The following DHX32 variants were observed in gnomAD, a reference collection of about 807,000 sequenced individuals.
The protein encoded by DHX32 is DEAH-box helicase 32 (putative).
In DHX32, 51 loss-of-function variants were observed where a neutral mutation model predicts 70.0. That is an observed-to-expected ratio of 0.73 (90% confidence interval 0.58 to 0.92). The LOEUF is 0.92. Among genes scored for constraint, DHX32 ranks in the 40% least tolerant of loss-of-function variants. The pLI is 0.00. For missense variants in DHX32, 762 were observed against 891.8 expected (o/e 0.85, Z 1.85); for synonymous variants, 310 against 315.3 (o/e 0.98, Z 0.18).
chr10:125,884,998 A>T (rs1944334646), upstream of DHX32, among the ~76,000 whole-genome samples: 1 of 151,996 alleles, frequency 6.6e-6, no homozygotes, highest in Admixed American at 6.6e-5. Context: ...GTATGGGTGT[A>T]TCTGTCCTTA....
chr10:125,869,896 A>G (rs988940325), intron 1 of DHX32, among the ~76,000 whole-genome samples: 1 of 152,152 alleles, frequency 6.6e-6, no homozygotes, highest in African/African-American at 2.4e-5. Flanking sequence ...AGAGAGAGAA[A>G]GGCTTGGGCT....
At chr10:125,883,455 A>G (rs1171039289), upstream of DHX32, among the ~76,000 whole-genome samples, 1 of 152,156 alleles carries the variant, frequency 6.6e-6, no homozygotes, top group Non-Finnish European at 1.5e-5. Flanking sequence ...CTGTCATTCT[A>G]TGAGGTACCC....
chr10:125,854,094 T>A lies in DHX32; in HGVS notation c.959A>T (p.Lys320Met). The change falls in exon 4 of 11, where the codon AAG becomes ATG. Residue 320 changes from lysine to methionine, a missense_variant. Physicochemically the swap from Lys to Met is moderately conservative, Grantham distance 95. This residue lies in a region of DHX32 where 394 missense variants were observed against 473.1 expected (regional missense o/e 0.83). Coordinates refer to ENST00000284690, the MANE Select transcript of DHX32 (RefSeq NM_018180.3). ...LYPKEKCSLF[K>M]PLDETEKRCQ... ...TCTTTTTTCTGTTTCATCGAGTGGC[T>A]TGAACAATGAACATTTCTCTTTTGG... The A allele has an allele frequency of 6.2e-7, 1 of 1,614,044 alleles. No individual in the cohort carries two copies. The highest frequency in any genetic ancestry group is 8.5e-7 in the Non-Finnish European group (1 of 1,179,990).
chr10:125,867,268 A>G (rs1944226221), intron 1 of DHX32, 85 bp from the exon 2 acceptor site: 1 of 1,203,756 alleles, frequency 8.3e-7, no homozygotes, highest in Admixed American at 2.7e-5. Context: ...GGTTCATCTT[A>G]TAAGTGATTT....
At position 125,836,503 on chromosome 10, in the gene DHX32, A is replaced by G. The variant is rs7320; in HGVS notation, c.*184T>C. The stretch of plus-strand genomic sequence containing the variant: ...TCCAAGAAGAAGAAAAGCATGGAGT[A>G]GTAATTTAAAGAACTCAATAAAAAC... On this transcript the variant is annotated 3_prime_UTR_variant, in exon 11 of 11. Coordinates refer to ENST00000284690, the MANE Select transcript of DHX32 (RefSeq NM_018180.3). 27 of 1,356,970 alleles carry G rather than the reference A, an allele frequency of 2.0e-5. No individual in the cohort carries two copies. Among genetic ancestry groups the G allele is most frequent in the Non-Finnish European group, 2.4e-5 (25 of 1,042,732 alleles). 84.1% of individuals were successfully genotyped at this position (1,356,970 alleles called of 1,614,324 possible).
upstream of DHX32, among the ~76,000 whole-genome samples, chr10:125,884,143 T>C (rs539443217): frequency 2.6e-5 from 4 of 152,344 alleles, no homozygotes; most frequent in African/African-American, 9.6e-5. Context: ...TGGTTTGGAT[T>C]CCAAATTTGG....
At chr10:125,838,450 T>C (rs761030661) in intron 9 of DHX32, 63 bp from the exon 10 acceptor site, 1 of 1,410,000 alleles carries the variant, frequency 7.1e-7, no homozygotes, top group Non-Finnish European at 9.4e-7. Flanking sequence ...TATACAAAGA[T>C]GTTTGTTGAA....
intron 2 of DHX32, among the ~76,000 whole-genome samples, chr10:125,860,365 A>G (rs1487712630): frequency 1.3e-5 from 2 of 152,238 alleles, no homozygotes; most frequent in Admixed American, 1.3e-4. Context: ...TCAATGAAAG[A>G]ATTTTGAGTA....
intron 2 of DHX32, among the ~76,000 whole-genome samples, chr10:125,863,311 T>C (rs1944200889): frequency 6.6e-6 from 1 of 152,104 alleles, no homozygotes; most frequent in African/African-American, 2.4e-5. Flanking sequence ...TTGTTACATA[T>C]AGCATCCAAA....
chr10:125,836,696 A>C lies in DHX32; in HGVS notation c.2223T>G (p.Thr741=). 3.1e-6 allele frequency: 5 copies of C among 1,613,832 alleles called. No individual in the cohort carries two copies. The highest frequency in any genetic ancestry group is 4.2e-6 in the Non-Finnish European group (5 of 1,179,866). ...ETCPETEQRC[T]LQ is the part of the protein sequence containing the mutation. ...TGTGTTTGCTGGGGAGTCACTGGAG[A>C]GTGCATCTCTGTTCAGTTTCAGGGC... is the stretch of plus-strand genomic sequence containing the variant. The change falls in exon 11 of 11, where the codon ACT becomes ACG. Residue 741 remains threonine (T), a synonymous_variant. Coordinates refer to ENST00000284690, the MANE Select transcript of DHX32 (RefSeq NM_018180.3).
upstream of DHX32, among the ~76,000 whole-genome samples, chr10:125,883,583 T>G (rs1015727227): frequency 7.2e-5 from 11 of 152,070 alleles, no homozygotes; most frequent in African/African-American, 2.7e-4. Flanking sequence ...TCCAGATGAC[T>G]GCAACCCCAG....
chr10:125,872,940 C>G (rs1944263882), intron 1 of DHX32, among the ~76,000 whole-genome samples: 1 of 152,200 alleles, frequency 6.6e-6, no homozygotes, highest in Non-Finnish European at 1.5e-5. Flanking sequence ...CCTAAGTTAG[C>G]AACTGCAGTT....
intron 1 of DHX32, among the ~76,000 whole-genome samples, chr10:125,871,965 C>T (rs1278538692): frequency 6.6e-6 from 1 of 151,530 alleles, no homozygotes; most frequent in Non-Finnish European, 1.5e-5. Context: ...CGGGTTCAAG[C>T]AATTCTCCTG....
At chr10:125,840,560 G>A (rs185868366) in intron 8 of DHX32, among the ~76,000 whole-genome samples, 7 of 152,304 alleles carry the variant, frequency 4.6e-5, no homozygotes, top group East Asian at 3.9e-4. Flanking sequence ...TGTGTCCCCC[G>A]TCACCATGCC....
Position 125,871,862 on chromosome 10 carries a change from C to CT in DHX32, c.283-4680dup, listed in dbSNP as rs367881568. On this transcript the variant is annotated intron_variant, in intron 1 of 10. Transcript: ENST00000284690. ...TTCTTCCCCTAGTTCTGCTTCTTTTCTTTTTTTTTTTTTTTTTGAGATGGA... is the reference window on the plus strand; with the variant it reads ...TTCTTCCCCTAGTTCTGCTTCTTTTCTTTTTTTTTTTTTTTTTTGAGATGGA... Among the ~76,000 whole-genome samples, 585 of 131,210 alleles carry CT rather than the reference C, an allele frequency of 4.5e-3. 3 individuals carry two copies. Among genetic ancestry groups the CT allele is most frequent in the South Asian group, 0.01 (41 of 4,090 alleles). The allele number at this position is 131,210 out of a possible 152,430, so 86.1% of individuals were successfully genotyped here.
intron 1 of DHX32, among the ~76,000 whole-genome samples, chr10:125,880,215 C>T (rs1362788390): frequency 1.3e-5 from 2 of 152,202 alleles, no homozygotes; most frequent in Admixed American, 6.5e-5. Context: ...GAGGAAATAA[C>T]ACGCATCACA....
At chr10:125,893,139 G>A (rs1165555993) in intron 1 of DHX32, among the ~76,000 whole-genome samples, 2 of 152,402 alleles carry the variant, frequency 1.3e-5, no homozygotes, top group Non-Finnish European at 2.9e-5. Flanking sequence ...ACCCCCAGTA[G>A]GAGAGCGAAG....
At chr10:125,891,133 A>G (rs983048131) in intron 1 of DHX32, among the ~76,000 whole-genome samples, 1 of 152,158 alleles carries the variant, frequency 6.6e-6, no homozygotes, top group Non-Finnish European at 1.5e-5. Context: ...ACTGCATTCC[A>G]TTCCGAAAAC....
rs986913762 is a variant in DHX32 at position 125,836,389 on chromosome 10, G to C, written c.*298C>G. Reference sequence around the variant, plus strand: ...GATTAAGTTCCTCTACAAAAAGTAGGGTTCTGTCCCATGTGTCTCTGACAC... The same window carrying C: ...GATTAAGTTCCTCTACAAAAAGTAGCGTTCTGTCCCATGTGTCTCTGACAC... On this transcript the variant is annotated 3_prime_UTR_variant, in exon 11 of 11. Transcript: ENST00000284690. 2.6e-6 allele frequency: 4 copies of C among 1,538,934 alleles called. No homozygotes were observed. Among genetic ancestry groups the C allele is most frequent in the Admixed American group, 4.4e-5 (2 of 45,130 alleles).
Sources: gnomAD v4.1 joint callset for allele counts (sites outside exome capture counted in the v4.1 genomes callset) on GRCh38, gnomAD v4.1.1 for gene constraint, gnomAD v4.1.1 regional missense constraint, MANE v1.5 for transcripts, NCBI Gene and HGNC (gene_info 2026-07-23, HGNC 2026-07-21) for gene names.